Variants in MOB3B observed in about 807,000 individuals in gnomAD.
The protein encoded by MOB3B is MOB kinase activator 3B.
In MOB3B, 7 loss-of-function variants were observed where a neutral mutation model predicts 18.7. The observed-to-expected ratio is 0.37, with a 90% confidence interval of 0.21 to 0.70. MOB3B has a LOEUF of 0.70. MOB3B is among the 30% of genes least tolerant of loss of function. MOB3B has a pLI of 0.52. For missense variants in MOB3B, 253 were observed against 281.3 expected, an observed-to-expected ratio of 0.90 and a Z score of 0.72; for synonymous variants, 111 against 99.9, an observed-to-expected ratio of 1.11 and a Z score of -0.66.
chr9:27,424,064 G>A (rs1822293986), intron 2 of MOB3B, among the ~76,000 whole-genome samples: 1 of 152,222 alleles, frequency 6.6e-6, no homozygotes, highest in African/African-American at 2.4e-5. Flanking sequence ...GCAATACAGT[G>A]TAAATGTCTG....
At chr9:27,331,149 A>T (rs1820783158) in intron 3 of MOB3B, among the ~76,000 whole-genome samples, 1 of 152,216 alleles carries the variant, frequency 6.6e-6, no homozygotes, top group South Asian at 2.1e-4. Flanking sequence ...AAAAATAGAA[A>T]TGAATAATAC....
chr9:27,396,050 T>A (rs1480781550), intron 2 of MOB3B, among the ~76,000 whole-genome samples: 2 of 152,102 alleles, frequency 1.3e-5, no homozygotes, highest in South Asian at 2.1e-4. Context: ...CCTGGCCACT[T>A]AAGGTAGGGG....
chr9:27,451,797 T>A (rs1822788898), intron 2 of MOB3B, among the ~76,000 whole-genome samples: 1 of 152,198 alleles, frequency 6.6e-6, no homozygotes, highest in Non-Finnish European at 1.5e-5. Context: ...ATCTCCATGA[T>A]AATGACTCAT....
intron 2 of MOB3B, among the ~76,000 whole-genome samples, chr9:27,414,598 A>G (rs1387241450): frequency 6.6e-6 from 1 of 152,186 alleles, no homozygotes; most frequent in African/African-American, 2.4e-5. Context: ...TACTGAGGTT[A>G]TACTCCCTAT....
intron 2 of MOB3B, among the ~76,000 whole-genome samples, chr9:27,415,065 T>C: frequency 6.6e-6 from 1 of 151,856 alleles, no homozygotes; most frequent in East Asian, 1.9e-4. Context: ...TTTCACCATG[T>C]TGGCCAGGCT....
At chr9:27,424,347 G>A (rs1026037991) in intron 2 of MOB3B, among the ~76,000 whole-genome samples, 8 of 152,200 alleles carry the variant, frequency 5.3e-5, no homozygotes, top group South Asian at 4.1e-4. Flanking sequence ...GTCCCAAGAC[G>A]TGCTAGCCAC....
At chr9:27,380,462 C>T (rs928892697) in intron 2 of MOB3B, among the ~76,000 whole-genome samples, 1 of 152,034 alleles carries the variant, frequency 6.6e-6, no homozygotes, top group African/African-American at 2.4e-5. Flanking sequence ...TGGTCTCGAT[C>T]TCTTGACCTC....
At chr9:27,445,813 CAG>C (rs1822681353) in intron 2 of MOB3B, among the ~76,000 whole-genome samples, 1 of 152,040 alleles carries the variant, frequency 6.6e-6, no homozygotes. Context: ...TCAGCTGCAC[CAG>C]AGACTAAGCA....
chr9:27,358,816 G>A, intron 3 of MOB3B: 1 of 738,212 alleles, frequency 1.4e-6, no homozygotes, highest in Non-Finnish European at 2.5e-6. Context: ...ACAACATTCT[G>A]CCACCTCTTG....
chr9:27,465,696 T>C (rs988420027), intron 1 of MOB3B, among the ~76,000 whole-genome samples: 1 of 152,146 alleles, frequency 6.6e-6, no homozygotes, highest in Non-Finnish European at 1.5e-5. Flanking sequence ...TCTTCTGAAA[T>C]CTAGGGGGAG....
At chr9:27,423,119 TTAG>T (rs1285048044) in intron 2 of MOB3B, among the ~76,000 whole-genome samples, 1 of 152,196 alleles carries the variant, frequency 6.6e-6, no homozygotes, top group Admixed American at 6.5e-5. Context: ...GCAAACATTT[TTAG>T]TGCCTATTAT....
intron 1 of MOB3B, among the ~76,000 whole-genome samples, chr9:27,489,798 G>A (rs889033196): frequency 8.2e-6 from 1 of 121,534 alleles, no homozygotes; most frequent in Non-Finnish European, 1.6e-5. Flanking sequence ...GCCAAGTAAT[G>A]TCCACCTATA....
chr9:27,340,121 A>G (rs1435395341), intron 3 of MOB3B, among the ~76,000 whole-genome samples: 2 of 152,208 alleles, frequency 1.3e-5, no homozygotes, highest in South Asian at 2.1e-4. Flanking sequence ...ACACAGAACA[A>G]TATTTATTTG....
chr9:27,469,259 T>C (rs1398616170), intron 1 of MOB3B, among the ~76,000 whole-genome samples: 2 of 152,086 alleles, frequency 1.3e-5, no homozygotes, highest in Non-Finnish European at 2.9e-5. Context: ...TGAGTCACAG[T>C]GCCTGGCTGG....
intron 1 of MOB3B, among the ~76,000 whole-genome samples, chr9:27,499,422 A>T (rs532920255): frequency 2.6e-5 from 4 of 152,238 alleles, no homozygotes; most frequent in Admixed American, 6.5e-5. Context: ...TAATAGTCCC[A>T]GTAAAATGAT....
At chr9:27,491,475 T>C (rs1245604374) in intron 1 of MOB3B, among the ~76,000 whole-genome samples, 1 of 152,128 alleles carries the variant, frequency 6.6e-6, no homozygotes, top group African/African-American at 2.4e-5. Context: ...CTATTTTCTG[T>C]CCAAAAAATG....
chr9:27,432,009 C>T (rs149252022), intron 2 of MOB3B, among the ~76,000 whole-genome samples: 276 of 152,302 alleles, frequency 1.8e-3, no homozygotes, highest in African/African-American at 6.4e-3. Flanking sequence ...AACAGTCCAA[C>T]ATCCATTAGG....
At chr9:27,361,833 C>T (rs978366606) in intron 2 of MOB3B, among the ~76,000 whole-genome samples, 1 of 152,176 alleles carries the variant, frequency 6.6e-6, no homozygotes, top group Admixed American at 6.5e-5. Flanking sequence ...CTCTGAAGCC[C>T]TTCCTTTCTG....
At chr9:27,410,050 T>TTA (rs1414222465) in intron 2 of MOB3B, among the ~76,000 whole-genome samples, 1 of 152,204 alleles carries the variant, frequency 6.6e-6, no homozygotes, top group African/African-American at 2.4e-5. Flanking sequence ...TGCCACTGAA[T>TTA]TGTACACTTA....
Sources: allele counts gnomAD v4.1 joint callset (sites outside exome capture counted in the v4.1 genomes callset), GRCh38; gene constraint gnomAD v4.1.1; transcripts MANE v1.5; gene names NCBI Gene and HGNC (gene_info 2026-07-23, HGNC 2026-07-21).